The following PHACTR3 variants were observed in gnomAD, a reference collection of about 807,000 sequenced individuals.
PHACTR3 encodes protein phosphatase 1, regulatory subunit 123.
In PHACTR3, 16 loss-of-function variants were observed where a neutral mutation model predicts 66.8. The observed-to-expected ratio is 0.24, with a 90% CI of 0.16 to 0.36. PHACTR3 has a LOEUF of 0.36. Among genes scored for constraint, PHACTR3 ranks in the 10% least tolerant of loss-of-function variants. The pLI, the probability that PHACTR3 is intolerant of heterozygous loss-of-function variation, is 1.00. For synonymous variants in PHACTR3, 323 were observed against 292.1 expected (o/e 1.11, Z -1.08); for missense variants, 647 against 719.9 (o/e 0.90, Z 1.16).
At chr20:59,784,037 T>A (rs2040820124) in intron 7 of PHACTR3, among the ~76,000 whole-genome samples, 1 of 152,236 alleles carries the variant, frequency 6.6e-6, no homozygotes, top group Non-Finnish European at 1.5e-5. Context: ...AATGCTAGTC[T>A]GCATGTTGCT....
chr20:59,584,120 C>T (rs926652516), intron 1 of PHACTR3, among the ~76,000 whole-genome samples: 8 of 152,200 alleles, frequency 5.3e-5, no homozygotes, highest in African/African-American at 1.9e-4. Context: ...GTGTGTGCAA[C>T]GGGGCAGCCC....
chr20:59,716,354 G>A (rs1245972913), intron 1 of PHACTR3, among the ~76,000 whole-genome samples: 1 of 151,902 alleles, frequency 6.6e-6, no homozygotes, highest in African/African-American at 2.4e-5. Context: ...CCAGGTTCAA[G>A]CGATTCTTGT....
intron 1 of PHACTR3, among the ~76,000 whole-genome samples, chr20:59,614,938 G>A (rs1013660821): frequency 1.3e-5 from 2 of 152,098 alleles, no homozygotes; most frequent in Admixed American, 6.5e-5. Flanking sequence ...ACTTTGGCAC[G>A]TTTATTGGCC....
chr20:59,774,480 C>T lies in PHACTR3; in HGVS notation c.1164C>T (p.Ser388=). 1 of 1,613,486 alleles carries T rather than the reference C, an allele frequency of 6.2e-7. No homozygotes were observed. The highest frequency in any genetic ancestry group is 1.7e-5 in the Admixed American group (1 of 59,980). Reference sequence around the variant, plus strand: ...AGGACGAGGAGGCGCTGAACGACTCCATTATTTCTGGTGAGGAAAGGATGG... The same window carrying T: ...AGGACGAGGAGGCGCTGAACGACTCTATTATTTCTGGTGAGGAAAGGATGG... The part of the protein sequence containing the change: ...LYQDEEALND[S]IISGTLPRKC... The change falls in exon 7 of 13, where the codon TCC becomes TCT. Residue 388 remains serine (S), a synonymous_variant. Coordinates refer to ENST00000371015, the MANE Select transcript of PHACTR3 (RefSeq NM_080672.5).
intron 7 of PHACTR3, among the ~76,000 whole-genome samples, chr20:59,800,731 C>T (rs2041387959): frequency 6.6e-6 from 1 of 152,114 alleles, no homozygotes; most frequent in African/African-American, 2.4e-5. Flanking sequence ...TGAATTTTAC[C>T]TTCTTGGGTG....
intron 1 of PHACTR3, among the ~76,000 whole-genome samples, chr20:59,588,460 G>A (rs1329939256): frequency 2.0e-5 from 3 of 151,978 alleles, no homozygotes; most frequent in Non-Finnish European, 4.4e-5. Flanking sequence ...TCTATCTGGC[G>A]GCCCCAACAC....
intron 1 of PHACTR3, among the ~76,000 whole-genome samples, chr20:59,590,038 C>G (rs999315465): frequency 1.4e-4 from 22 of 152,152 alleles, no homozygotes; most frequent in Non-Finnish European, 2.4e-4. Flanking sequence ...GAACATCCGC[C>G]CTGTGCTTCC....
chr20:59,671,880 A>G (rs2036206443), intron 1 of PHACTR3, among the ~76,000 whole-genome samples: 1 of 152,220 alleles, frequency 6.6e-6, no homozygotes. Context: ...CACCTCACCT[A>G]CTTACCTGTG....
intron 1 of PHACTR3, among the ~76,000 whole-genome samples, chr20:59,681,014 A>G (rs1298505895): frequency 6.6e-6 from 1 of 152,228 alleles, no homozygotes; most frequent in African/African-American, 2.4e-5. Context: ...CTGCCCAGGA[A>G]AAAGTTGAAT....
rs534441122 is a variant in PHACTR3, at chr20:59,787,310, T to TG, written c.1174+12822dup. On this transcript the variant is annotated intron_variant, in intron 7 of 12. Coordinates refer to ENST00000371015, the MANE Select transcript of PHACTR3 (RefSeq NM_080672.5). Reference sequence around the variant, plus strand: ...AACTGCAGTGCCCTGGCAAGTGCACTGGCTTCCGGGGCTGGGCTGGGGAGG... The same window carrying TG: ...AACTGCAGTGCCCTGGCAAGTGCACTGGGCTTCCGGGGCTGGGCTGGGGAGG... Among the ~76,000 whole-genome samples the TG allele has an allele frequency of 4.0e-4, 61 of 152,310 alleles. 1 individual carries two copies. The East Asian group carries it at 9.3e-3, about 23-fold the overall frequency.
chr20:59,735,244 C>T (rs181771142), intron 1 of PHACTR3, among the ~76,000 whole-genome samples: 9 of 152,170 alleles, frequency 5.9e-5, no homozygotes, highest in East Asian at 1.9e-4. Flanking sequence ...CTTCATGCAG[C>T]GGGAAACTGC....
At chr20:59,760,652 CT>C (rs1353126130) in intron 4 of PHACTR3, among the ~76,000 whole-genome samples, 1 of 152,096 alleles carries the variant, frequency 6.6e-6, no homozygotes, top group Non-Finnish European at 1.5e-5. Flanking sequence ...ACTTCTTTTT[CT>C]TTATAAATTA....
In PHACTR3 at chr20:59,705,309, T is replaced by C. The variant is rs536194035; in HGVS notation, c.119-37798T>C. On this transcript the variant is annotated intron_variant, in intron 1 of 12. Transcript: ENST00000371015. ...TAATTCTAAGTTTAAACGTTATGGT[T>C]TCTTCCCAGGGAGCACAACAATTTA... 2.0e-3 allele frequency among the ~76,000 whole-genome samples: 302 copies of C among 152,332 alleles called. 1 individual carries two copies. The highest frequency in any genetic ancestry group is 3.7e-3 in the Non-Finnish European group (251 of 68,030).
chr20:59,813,585 G>T (rs2041802096), intron 8 of PHACTR3, among the ~76,000 whole-genome samples: 2 of 152,174 alleles, frequency 1.3e-5, no homozygotes, highest in South Asian at 4.1e-4. Context: ...TATTGTGTCT[G>T]GTGAAAGATG....
intron 1 of PHACTR3, among the ~76,000 whole-genome samples, chr20:59,618,966 G>A (rs1324673334): frequency 6.6e-6 from 1 of 152,198 alleles, no homozygotes; most frequent in African/African-American, 2.4e-5. Flanking sequence ...TGAGAAGCTG[G>A]AAAATGGGAG....
chr20:59,790,045 C>A (rs2041040383), intron 7 of PHACTR3, among the ~76,000 whole-genome samples: 1 of 152,204 alleles, frequency 6.6e-6, no homozygotes, highest in Admixed American at 6.5e-5. Flanking sequence ...AAAAAGATAT[C>A]TCATCATGAG....
rs1415793845 is a variant in PHACTR3 at position 59,635,151 on chromosome 20, T to TTTCTTTCTTTC, written c.118+30020_118+30021insTCTTTCTTTCT. Among the ~76,000 whole-genome samples, 14 of 28,922 alleles carry TTTCTTTCTTTC rather than the reference T, an allele frequency of 4.8e-4. No homozygotes were observed. In the East Asian group the frequency reaches 0.018, roughly 37 times the overall value. The allele number at this position is 28,922 out of a possible 152,430, so 19.0% of individuals were successfully genotyped here. On this transcript the variant is annotated intron_variant, in intron 1 of 12. Coordinates refer to ENST00000371015, the MANE Select transcript of PHACTR3 (RefSeq NM_080672.5). ...TCTTTCTTTCTTTCTTTCTTTCTTT[T>TTTCTTTCTTTC]TCTTTCTTTCTTTCTTTCCTTTCTT...
At chr20:59,841,346 A>G (rs1555857640) in intron 10 of PHACTR3, 49 bp from the exon 11 acceptor site, 1 of 1,566,084 alleles carries the variant, frequency 6.4e-7, no homozygotes, top group Non-Finnish European at 8.7e-7. Flanking sequence ...GTACTTCAAA[A>G]AAGCTAGTTT....
intron 8 of PHACTR3, among the ~76,000 whole-genome samples, chr20:59,818,852 T>C (rs1055707326): frequency 5.9e-5 from 9 of 152,236 alleles, no homozygotes; most frequent in African/African-American, 2.2e-4. Flanking sequence ...TTTGTCATTT[T>C]CATCTTTTTC....
Sources: gnomAD v4.1 joint callset for allele counts (sites outside exome capture counted in the v4.1 genomes callset) on GRCh38, gnomAD v4.1.1 for gene constraint, MANE v1.5 for transcripts, NCBI Gene and HGNC (gene_info 2026-07-23, HGNC 2026-07-21) for gene names.